The following ATXN1 variants were observed in gnomAD, a reference collection of about 807,000 sequenced individuals.
The protein encoded by ATXN1 is ataxin 1.
A neutral mutation model predicts 56.4 loss-of-function variants in ATXN1; 8 were observed. That is an observed-to-expected ratio of 0.14 (90% CI 0.08 to 0.26). ATXN1 has a LOEUF of 0.26. ATXN1 is among the 10% of genes least tolerant of loss of function. ATXN1 has a pLI of 1.00. For missense variants in ATXN1, 987 were observed against 1,106.5 expected (o/e 0.89, Z 1.53); for synonymous variants, 514 against 494.6 (o/e 1.04, Z -0.52).
At chr6:16,454,125 CAAAAAAAAAAAAAAAAA>C (rs56277549) in intron 6 of ATXN1, among the ~76,000 whole-genome samples, 7 of 76,668 alleles carry the variant, frequency 9.1e-5, no homozygotes, top group African/African-American at 1.6e-4. Context: ...GACTCTGTCT[CAAAAAAAAAAAAAAAAA>C]AAAAAAAAAA....
At chr6:16,570,683 A>G (rs1428839122) in intron 4 of ATXN1, among the ~76,000 whole-genome samples, 4 of 152,226 alleles carry the variant, frequency 2.6e-5, no homozygotes, top group Non-Finnish European at 5.9e-5. Flanking sequence ...GAAGAAAGAC[A>G]GATGAAAGTG....
intron 6 of ATXN1, among the ~76,000 whole-genome samples, chr6:16,438,679 A>G (rs1337792287): frequency 6.6e-6 from 1 of 152,234 alleles, no homozygotes; most frequent in East Asian, 1.9e-4. Flanking sequence ...TGTATATTTT[A>G]TCCAAGAATG....
intron 6 of ATXN1, among the ~76,000 whole-genome samples, chr6:16,358,498 C>A (rs945829883): frequency 6.6e-6 from 1 of 152,228 alleles, no homozygotes; most frequent in Non-Finnish European, 1.5e-5. Context: ...ATAGCATTCA[C>A]AGCAACCTGT....
intron 6 of ATXN1, among the ~76,000 whole-genome samples, chr6:16,462,069 A>G (rs969539603): frequency 1.9e-4 from 29 of 152,282 alleles, no homozygotes; most frequent in African/African-American, 6.3e-4. Context: ...AACGTTAAAA[A>G]CCTACCCAAA....
intron 6 of ATXN1, among the ~76,000 whole-genome samples, chr6:16,388,320 A>C (rs1758282915): frequency 6.6e-6 from 1 of 152,186 alleles, no homozygotes; most frequent in South Asian, 2.1e-4. Context: ...GATCTCTGCT[A>C]CCAAAATACA....
At chr6:16,624,157 C>T (rs1376359354) in intron 3 of ATXN1, among the ~76,000 whole-genome samples, 1 of 152,084 alleles carries the variant, frequency 6.6e-6, no homozygotes, top group African/African-American at 2.4e-5. Flanking sequence ...TTGAGACCAA[C>T]CTGGCCAACA....
At chr6:16,484,984 T>C (rs893161539) in intron 6 of ATXN1, among the ~76,000 whole-genome samples, 13 of 142,030 alleles carry the variant, frequency 9.2e-5, no homozygotes, top group African/African-American at 3.3e-4. Flanking sequence ...TGTGTGTGTG[T>C]GTGTGTGTAC....
intron 3 of ATXN1, among the ~76,000 whole-genome samples, chr6:16,634,528 G>T (rs183801319): frequency 7.6e-4 from 116 of 152,040 alleles, no homozygotes; most frequent in African/African-American, 1.9e-3. Context: ...TCTAATTTTA[G>T]ATTTTCTTCT....
In ATXN1 at chr6:16,735,968, G is replaced by T. The variant is rs191432363; in HGVS notation, c.-615+17265C>A. Among the ~76,000 whole-genome samples the T allele has an allele frequency of 6.6e-5, 10 of 152,226 alleles. No homozygotes were observed. The East Asian group carries it at 1.9e-3, about 29-fold the overall frequency. ...TAGTACTCTGCATATAGTAGGCTGA[G>T]AAAAAATAGAATTAAATTGAATGCA... On this transcript the variant is annotated intron_variant, in intron 2 of 7. Transcript: ENST00000436367.
In ATXN1 at chr6:16,585,914, T is replaced by C. The variant is rs1268387632; in HGVS notation, c.-488-7A>G. The C allele has an allele frequency of 1.3e-5, 2 of 152,156 alleles. No homozygotes were observed. Among genetic ancestry groups the C allele is most frequent in the African/African-American group, 2.4e-5 (1 of 41,436 alleles). 9.4% of individuals were successfully genotyped at this position (152,156 alleles called of 1,614,324 possible). A position where few individuals can be genotyped will look rare whatever the true frequency, so the allele number is the denominator to read the frequency against. On this transcript the variant is annotated splice_region_variant and splice_polypyrimidine_tract_variant and intron_variant, in intron 3 of 7. Transcript: ENST00000436367. The stretch of plus-strand genomic sequence containing the variant: ...CAGTGTAAAACGCCTAGACCTGTAA[T>C]TATAAAAACAATATTCTCACTGAGT...
At chr6:16,549,112 C>G (rs547631583) in intron 4 of ATXN1, among the ~76,000 whole-genome samples, 1 of 151,952 alleles carries the variant, frequency 6.6e-6, no homozygotes, top group African/African-American at 2.4e-5. Context: ...CTTCTTCTTA[C>G]ACATCTATGG....
intron 3 of ATXN1, among the ~76,000 whole-genome samples, chr6:16,597,440 A>AT (rs375525131): frequency 0.54 from 77,697 of 142,996 alleles, 22,957 homozygotes; most frequent in Admixed American, 0.68. Flanking sequence ...GCATAAATCT[A>AT]TTTTTTTTTT....
intron 2 of ATXN1, among the ~76,000 whole-genome samples, chr6:16,708,731 A>G (rs1201648819): frequency 6.6e-6 from 1 of 152,234 alleles, no homozygotes; most frequent in Non-Finnish European, 1.5e-5. Flanking sequence ...AGTGATATAG[A>G]GAAAGGAAAG....
chr6:16,367,972 A>G (rs915176820), intron 6 of ATXN1, among the ~76,000 whole-genome samples: 1 of 152,116 alleles, frequency 6.6e-6, no homozygotes, highest in African/African-American at 2.4e-5. Flanking sequence ...GTTCGAGACC[A>G]GCTTGGCCAA....
intron 6 of ATXN1, among the ~76,000 whole-genome samples, chr6:16,408,212 A>T (rs760743791): frequency 1.3e-5 from 2 of 152,174 alleles, no homozygotes; most frequent in Admixed American, 6.5e-5. Context: ...GTACTTGGCA[A>T]CAAAATAAAA....
chr6:16,332,832 C>T (rs896141810), intron 6 of ATXN1, among the ~76,000 whole-genome samples: 3 of 152,184 alleles, frequency 2.0e-5, no homozygotes, highest in Admixed American at 6.6e-5. Context: ...TAAGGCTTTG[C>T]TAGTCGAAGT....
At chr6:16,705,057 G>A (rs1481457892) in intron 2 of ATXN1, among the ~76,000 whole-genome samples, 4 of 152,116 alleles carry the variant, frequency 2.6e-5, no homozygotes, top group African/African-American at 9.7e-5. Flanking sequence ...CCTACCCGCT[G>A]GAGCATCCTA....
intron 2 of ATXN1, among the ~76,000 whole-genome samples, chr6:16,716,028 T>C (rs923712527): frequency 9.9e-5 from 15 of 152,146 alleles, no homozygotes; most frequent in African/African-American, 2.7e-4. Flanking sequence ...TCTCCAACCC[T>C]ATGGAGCCAT....
intron 4 of ATXN1, among the ~76,000 whole-genome samples, chr6:16,534,768 C>G (rs1455719746): frequency 6.6e-6 from 1 of 152,192 alleles, no homozygotes; most frequent in Admixed American, 6.5e-5. Context: ...ATTTAAGAGA[C>G]TATCTGTTCC....
Sources: gnomAD v4.1 joint callset for allele counts (sites outside exome capture counted in the v4.1 genomes callset) on GRCh38, gnomAD v4.1.1 for gene constraint, MANE v1.5 for transcripts, NCBI Gene and HGNC (gene_info 2026-07-23, HGNC 2026-07-21) for gene names.